The following WDFY3 variants were observed in gnomAD, a reference collection of about 807,000 sequenced individuals.
WDFY3 encodes the protein WD repeat and FYVE domain-containing protein 3.
A neutral mutation model predicts 409.6 loss-of-function variants in WDFY3; 66 were observed. The observed-to-expected ratio is 0.16, with a 90% CI of 0.13 to 0.20. The LOEUF is 0.20. Ranked by LOEUF, WDFY3 falls within the 10% of genes least tolerant of loss-of-function variation. The probability of loss-of-function intolerance (pLI) is 1.00; values close to 1 mark genes in which losing one functional copy is unlikely to be tolerated. For missense variants in WDFY3, 3,031 were observed against 4,298.1 expected (o/e 0.71, Z 8.24); for synonymous variants, 1,521 against 1,537.1 (o/e 0.99, Z 0.25).
intron 1 of WDFY3, among the ~76,000 whole-genome samples, chr4:84,946,578 G>A (rs1202057730): frequency 8.5e-5 from 13 of 152,106 alleles, no homozygotes. Context: ...ATCTCTACTA[G>A]TGGGGAGGAA....
chr4:84,718,469 G>C lies in WDFY3; in HGVS notation c.7707C>G (p.Thr2569=). 1 of 1,613,902 alleles carries C rather than the reference G, an allele frequency of 6.2e-7. No homozygotes were observed. The highest frequency in any genetic ancestry group is 8.5e-7 in the Non-Finnish European group (1 of 1,179,898). ...KEHFYVIDGF[T]MTATREIRDI... is the part of the protein sequence containing the mutation. ...CTCTTATTTCCCTGGTTGCTGTCATGGTAAATCCATCAATCACATAAAAAT... is the reference window on the plus strand; with the variant it reads ...CTCTTATTTCCCTGGTTGCTGTCATCGTAAATCCATCAATCACATAAAAAT... The change falls in exon 48 of 68, where the codon ACC becomes ACG. Residue 2569 remains threonine (T), a synonymous_variant. Transcript: ENST00000295888.
At chr4:84,775,031 C>T (rs777869845) in intron 28 of WDFY3, 34 bp downstream of exon 28, 2 of 1,613,352 alleles carry the variant, frequency 1.2e-6, no homozygotes, top group South Asian at 2.2e-5. Context: ...TTTTCTATAG[C>T]TGAATAATTA....
chr4:84,866,100 T>A (rs1170543112), intron 3 of WDFY3, among the ~76,000 whole-genome samples: 1 of 152,112 alleles, frequency 6.6e-6, no homozygotes, highest in African/African-American at 2.4e-5. Context: ...AATAATTTTT[T>A]AAACAGGAGC....
intron 62 of WDFY3, among the ~76,000 whole-genome samples, chr4:84,686,513 T>A (rs1728354198): frequency 6.6e-6 from 1 of 152,162 alleles, no homozygotes; most frequent in Admixed American, 6.5e-5. Flanking sequence ...TGACTAAAAG[T>A]GTTAATACTG....
chr4:84,863,274 T>C, intron 3 of WDFY3, among the ~76,000 whole-genome samples: 1 of 152,216 alleles, frequency 6.6e-6, no homozygotes, highest in Non-Finnish European at 1.5e-5. Flanking sequence ...GATAATTCTA[T>C]TTTTAATTTC....
At chr4:84,867,772 C>G (rs966138425) in intron 3 of WDFY3, among the ~76,000 whole-genome samples, 1 of 152,170 alleles carries the variant, frequency 6.6e-6, no homozygotes, top group Non-Finnish European at 1.5e-5. Context: ...ACTTTCCTAA[C>G]TCTTTAATTA....
rs974866435 is a variant in WDFY3, at chr4:84,707,568, T to C, written c.8217+1341A>G. On this transcript the variant is annotated intron_variant, in intron 53 of 67. Coordinates refer to ENST00000295888, the MANE Select transcript of WDFY3 (RefSeq NM_014991.6). ...GAGAATGTGGTAGAGAACTGAAGGTTCAGTAATGGGACCTGCCATGTTCCT... is the reference window on the plus strand; with the variant it reads ...GAGAATGTGGTAGAGAACTGAAGGTCCAGTAATGGGACCTGCCATGTTCCT... 2.6e-5 allele frequency among the ~76,000 whole-genome samples: 4 copies of C among 152,226 alleles called. No homozygotes were observed. In the South Asian group the frequency reaches 8.3e-4, roughly 32 times the overall value.
At chr4:84,872,944 AG>A (rs1360701500) in intron 3 of WDFY3, among the ~76,000 whole-genome samples, 1 of 152,206 alleles carries the variant, frequency 6.6e-6, no homozygotes, top group Admixed American at 6.5e-5. Context: ...GGATAAAAAG[AG>A]GCATTATATA....
chr4:84,713,031 AT>A, intron 51 of WDFY3, 127 bp downstream of exon 51: 7 of 919,390 alleles, frequency 7.6e-6, no homozygotes, highest in Non-Finnish European at 1.2e-5. Context: ...AGTTTTCAGT[AT>A]TTTTTTAAAA....
intron 8 of WDFY3, among the ~76,000 whole-genome samples, chr4:84,831,185 C>CAA (rs56810528): frequency 0.15 from 15,416 of 103,058 alleles, 1,387 homozygotes; most frequent in Non-Finnish European, 0.21. Context: ...AGACTCCATC[C>CAA]AAAAAAAAAA....
intron 27 of WDFY3, 96 bp from the exon 28 acceptor site, chr4:84,775,234 C>A: frequency 1.0e-6 from 1 of 994,452 alleles, no homozygotes. Context: ...ACTTATTTCA[C>A]TTATATAATT....
chr4:84,791,961 C>T (rs1334091440), intron 21 of WDFY3, among the ~76,000 whole-genome samples: 1 of 151,948 alleles, frequency 6.6e-6, no homozygotes, highest in Non-Finnish European at 1.5e-5. Context: ...TAACAAATGG[C>T]AAGACAGCGG....
chr4:84,687,039 A>G (rs1339373538), intron 62 of WDFY3, among the ~76,000 whole-genome samples: 1 of 152,150 alleles, frequency 6.6e-6, no homozygotes, highest in African/African-American at 2.4e-5. Flanking sequence ...CTGTTTTGAA[A>G]ATAGCTATAT....
intron 32 of WDFY3, among the ~76,000 whole-genome samples, chr4:84,758,165 G>A (rs1023312001): frequency 3.3e-5 from 5 of 152,144 alleles, no homozygotes; most frequent in Admixed American, 6.6e-5. Context: ...AATTTTCAAT[G>A]GAAACTTTTG....
chr4:84,957,258 C>CAAAAAAAA (rs149018066), intron 1 of WDFY3, among the ~76,000 whole-genome samples: 5 of 59,360 alleles, frequency 8.4e-5, no homozygotes, highest in Non-Finnish European at 1.1e-4. Flanking sequence ...TTTCATATAC[C>CAAAAAAAA]AAAAAAAAAA....
rs756344868 is a variant in WDFY3 at position 84,679,275 on chromosome 4, G to C, written c.9824-33C>G. On this transcript the variant is annotated intron_variant, in intron 64 of 67. Coordinates refer to ENST00000295888, the MANE Select transcript of WDFY3 (RefSeq NM_014991.6). ...AAGCATTGAGAGAATTGGAACATACGGAACCATCAAAGTTACACCCAGCTT... is the reference window on the plus strand; with the variant it reads ...AAGCATTGAGAGAATTGGAACATACCGAACCATCAAAGTTACACCCAGCTT... 3 of 1,453,684 alleles carry C rather than the reference G, an allele frequency of 2.1e-6. No individual in the cohort carries two copies. In the East Asian group the frequency reaches 7.5e-5, roughly 36 times the overall value. 90.0% of individuals were successfully genotyped at this position (1,453,684 alleles called of 1,614,324 possible).
chr4:84,943,851 T>C (rs1772460070), intron 1 of WDFY3, among the ~76,000 whole-genome samples: 1 of 152,168 alleles, frequency 6.6e-6, no homozygotes, highest in South Asian at 2.1e-4. Flanking sequence ...AGCCATTCAT[T>C]GTGTTGGGTC....
chr4:84,821,554 A>G lies in WDFY3; in HGVS notation c.1124-3T>C. ...CTGGACGTTTCTCACACTGTGACCT[A>G]GAACAGAAAAGAAAAACATAAAAGT... is the stretch of plus-strand genomic sequence containing the variant. On this transcript the variant is annotated splice_region_variant and splice_polypyrimidine_tract_variant and intron_variant, in intron 10 of 67. Coordinates refer to ENST00000295888, the MANE Select transcript of WDFY3 (RefSeq NM_014991.6). 1 of 1,595,288 alleles carries G rather than the reference A, an allele frequency of 6.3e-7. No homozygotes were observed. The highest frequency in any genetic ancestry group is 8.5e-7 in the Non-Finnish European group (1 of 1,172,046).
At chr4:84,859,348 T>C (rs1411456630) in intron 4 of WDFY3, among the ~76,000 whole-genome samples, 3 of 152,130 alleles carry the variant, frequency 2.0e-5, no homozygotes, top group Admixed American at 1.3e-4. Context: ...TGTATGTATG[T>C]ATGTACATTA....
Sources: gnomAD v4.1 joint callset for allele counts (sites outside exome capture counted in the v4.1 genomes callset) on GRCh38, gnomAD v4.1.1 for gene constraint, MANE v1.5 for transcripts, NCBI Gene and HGNC (gene_info 2026-07-23, HGNC 2026-07-21) for gene names.